Variants in NEGR1 observed in about 807,000 individuals in gnomAD.
NEGR1 encodes neuronal growth regulator 1.
In NEGR1, 10 loss-of-function variants were observed where a neutral mutation model predicts 40.9. The ratio of observed to expected loss-of-function variants is 0.24; its 90% CI spans 0.15 to 0.42. The LOEUF (loss-of-function observed/expected upper bound fraction) is 0.42, where lower values mean the gene tolerates loss of function less well. Ranked by LOEUF, NEGR1 falls within the 10% of genes least tolerant of loss-of-function variation. NEGR1 has a pLI of 1.00. For synonymous variants in NEGR1, 185 were observed against 166.8 expected (o/e 1.11, Z -0.84); for missense variants, 352 against 438.9 (o/e 0.80, Z 1.77).
chr1:72,174,398 T>C (rs373814191), intron 1 of NEGR1, among the ~76,000 whole-genome samples: 97 of 152,354 alleles, frequency 6.4e-4, no homozygotes, highest in African/African-American at 2.1e-3. Context: ...AGATTCTATA[T>C]GTTTGGATAA....
At chr1:72,054,007 G>C (rs775802668) in intron 1 of NEGR1, among the ~76,000 whole-genome samples, 11 of 151,152 alleles carry the variant, frequency 7.3e-5, no homozygotes, top group Non-Finnish European at 1.2e-4. Flanking sequence ...AGAGAATAAA[G>C]CCATAAGGTG....
chr1:72,028,274 A>T (rs372268167), intron 1 of NEGR1, among the ~76,000 whole-genome samples: 2 of 151,924 alleles, frequency 1.3e-5, no homozygotes, highest in African/African-American at 4.8e-5. Flanking sequence ...TTTCAAGTGG[A>T]CTCTGTGTCA....
intron 1 of NEGR1, among the ~76,000 whole-genome samples, chr1:72,263,202 A>G (rs1345361600): frequency 6.6e-6 from 1 of 151,626 alleles, no homozygotes; most frequent in African/African-American, 2.4e-5. Context: ...AGTATTTTCA[A>G]AGAATTCAAC....
At chr1:71,940,723 T>C (rs1024836117) in intron 1 of NEGR1, among the ~76,000 whole-genome samples, 2 of 152,168 alleles carry the variant, frequency 1.3e-5, no homozygotes, top group African/African-American at 4.8e-5. Flanking sequence ...TCTAACAGAA[T>C]ATGCCTGTGA....
At chr1:72,249,597 C>A (rs1175299406) in intron 1 of NEGR1, among the ~76,000 whole-genome samples, 3 of 152,108 alleles carry the variant, frequency 2.0e-5, no homozygotes, top group East Asian at 1.9e-4. Flanking sequence ...AAGCAAGTGA[C>A]AATTAAATAC....
At chr1:72,073,000 A>G (rs1647537972) in intron 1 of NEGR1, among the ~76,000 whole-genome samples, 3 of 152,156 alleles carry the variant, frequency 2.0e-5, no homozygotes, top group African/African-American at 7.2e-5. Context: ...ACAGACTTCA[A>G]GATAGAGATT....
chr1:71,599,903 C>T (rs1007800599), intron 5 of NEGR1, among the ~76,000 whole-genome samples: 2 of 152,134 alleles, frequency 1.3e-5, no homozygotes, highest in African/African-American at 4.8e-5. Context: ...GCTGTGAGTT[C>T]CTGTATCCCT....
chr1:72,147,336 A>C (rs2100347928), intron 1 of NEGR1, among the ~76,000 whole-genome samples: 1 of 152,246 alleles, frequency 6.6e-6, no homozygotes, highest in Admixed American at 6.5e-5. Context: ...CAAGAGAAAA[A>C]TGAGGAAAAA....
chr1:71,503,102 G>A (rs190306726), intron 6 of NEGR1, among the ~76,000 whole-genome samples: 116 of 152,278 alleles, frequency 7.6e-4, no homozygotes, highest in Non-Finnish European at 1.4e-3. Flanking sequence ...GGTTTGCAGG[G>A]ACTACTCTCA....
At chr1:72,068,264 C>T (rs549407050) in intron 1 of NEGR1, among the ~76,000 whole-genome samples, 1 of 152,198 alleles carries the variant, frequency 6.6e-6, no homozygotes, top group Admixed American at 6.6e-5. Context: ...AAGTGGACAC[C>T]ACATGGCAGG....
intron 2 of NEGR1, among the ~76,000 whole-genome samples, chr1:71,795,605 C>A (rs1187909624): frequency 6.6e-6 from 1 of 151,940 alleles, no homozygotes; most frequent in Non-Finnish European, 1.5e-5. Context: ...ATACAGTTTC[C>A]AAAAGCAAAA....
intron 1 of NEGR1, among the ~76,000 whole-genome samples, chr1:72,194,497 C>T (rs1011146364): frequency 1.3e-5 from 2 of 151,920 alleles, no homozygotes; most frequent in Non-Finnish European, 2.9e-5. Flanking sequence ...CTGTTTCTCT[C>T]AAAAACATGA....
In NEGR1 at chr1:72,130,058, G is replaced by A. The variant is rs184656622; in HGVS notation, c.176+152261C>T. ...CCAGATACTGTCACTCCTCTGCTAA[G>A]TCTCTTAATGCTTCATATTTTCACT... On this transcript the variant is annotated intron_variant, in intron 1 of 6. Transcript: ENST00000357731. Among the ~76,000 whole-genome samples the A allele has an allele frequency of 3.3e-3, 497 of 152,186 alleles. 3 individuals are homozygous for A. The highest frequency in any genetic ancestry group is 6.8e-3 in the Middle Eastern group (2 of 292).
chr1:71,487,074 A>AT (rs1424715204), intron 6 of NEGR1: 1 of 151,578 alleles, frequency 6.6e-6, no homozygotes, highest in Non-Finnish European at 1.5e-5. Flanking sequence ...TACATAGAAG[A>AT]TTTTTTGCAC....
At chr1:71,627,092 T>G (rs928630781) in intron 4 of NEGR1, among the ~76,000 whole-genome samples, 6 of 152,158 alleles carry the variant, frequency 3.9e-5, no homozygotes, top group South Asian at 2.1e-4. Context: ...GTGTGGTGAT[T>G]CCTCAGGGAT....
intron 1 of NEGR1, among the ~76,000 whole-genome samples, chr1:72,143,406 G>C (rs1012337477): frequency 1.3e-5 from 2 of 151,862 alleles, no homozygotes; most frequent in Non-Finnish European, 2.9e-5. Flanking sequence ...AAGGCAAAGA[G>C]TGAATGAGAG....
intron 5 of NEGR1, among the ~76,000 whole-genome samples, chr1:71,609,088 C>G (rs1650158566): frequency 6.6e-6 from 1 of 151,780 alleles, no homozygotes; most frequent in Non-Finnish European, 1.5e-5. Context: ...TTCTACTAAG[C>G]TATAAAAAGG....
At chr1:72,037,872 G>GTAATT (rs1186759203) in intron 1 of NEGR1, among the ~76,000 whole-genome samples, 2 of 152,010 alleles carry the variant, frequency 1.3e-5, no homozygotes, top group East Asian at 3.9e-4. Context: ...TTTGCACCAT[G>GTAATT]AACCACCTGT....
At chr1:71,435,105 AC>A (rs1646499566) in intron 6 of NEGR1, among the ~76,000 whole-genome samples, 1 of 151,598 alleles carries the variant, frequency 6.6e-6, no homozygotes, top group African/African-American at 2.4e-5. Flanking sequence ...AAACAAACAA[AC>A]AAACAAAAAA....
Sources: allele counts gnomAD v4.1 joint callset (sites outside exome capture counted in the v4.1 genomes callset), GRCh38; gene constraint gnomAD v4.1.1; transcripts MANE v1.5; gene names NCBI Gene and HGNC (gene_info 2026-07-23, HGNC 2026-07-21).